The following NRXN3 variants were observed in gnomAD, a reference collection of about 807,000 sequenced individuals.
NRXN3 encodes the protein neurexin 3.
NRXN3 carries 32 observed loss-of-function variants against 137.6 expected under a neutral mutation model. The observed-to-expected ratio is 0.23, with a 90% CI of 0.18 to 0.31. The LOEUF is 0.31. NRXN3 is among the 10% of genes least tolerant of loss of function. The probability of loss-of-function intolerance (pLI) is 1.00; values close to 1 mark genes in which losing one functional copy is unlikely to be tolerated. For missense variants in NRXN3, 1,574 were observed against 2,062.5 expected, an observed-to-expected ratio of 0.76 and a Z score of 4.59; for synonymous variants, 798 against 784.5, an observed-to-expected ratio of 1.02 and a Z score of -0.29.
At chr14:79,489,552 C>A (rs2096692545) in intron 16 of NRXN3, among the ~76,000 whole-genome samples, 1 of 152,120 alleles carries the variant, frequency 6.6e-6, no homozygotes, top group African/African-American at 2.4e-5. Flanking sequence ...CAAAGGATAG[C>A]CTAGAATAAG....
At chr14:78,897,996 G>T (rs928556814) in intron 10 of NRXN3, among the ~76,000 whole-genome samples, 1 of 151,874 alleles carries the variant, frequency 6.6e-6, no homozygotes, top group Non-Finnish European at 1.5e-5. Context: ...GTTAGAGAAC[G>T]TATTCTGCCT....
chr14:79,133,948 AAAAGG>A (rs1278594303), intron 15 of NRXN3, among the ~76,000 whole-genome samples: 2 of 120,912 alleles, frequency 1.7e-5, no homozygotes, highest in Non-Finnish European at 1.7e-5. Context: ...AAAAAAAAAA[AAAAGG>A]AAAGAAAAAA....
At chr14:79,405,313 G>C (rs76951169) in intron 15 of NRXN3, among the ~76,000 whole-genome samples, 1 of 152,064 alleles carries the variant, frequency 6.6e-6, no homozygotes, top group African/African-American at 2.4e-5. Flanking sequence ...TGCTATCATC[G>C]CTTTGTTATC....
At chr14:79,115,420 G>A (rs754901074) in intron 15 of NRXN3, among the ~76,000 whole-genome samples, 6 of 152,022 alleles carry the variant, frequency 3.9e-5, no homozygotes, top group Middle Eastern at 3.4e-3. Context: ...TTGATAAGGT[G>A]TGTCTCTACC....
chr14:79,798,590 C>G (rs2099167783), intron 19 of NRXN3, among the ~76,000 whole-genome samples: 1 of 152,118 alleles, frequency 6.6e-6, no homozygotes, highest in Non-Finnish European at 1.5e-5. Flanking sequence ...TAAAGCTGTT[C>G]TGTGGCAGGA....
chr14:78,226,948 G>A (rs1246964399), intron 1 of NRXN3, among the ~76,000 whole-genome samples: 2 of 152,214 alleles, frequency 1.3e-5, no homozygotes, highest in African/African-American at 2.4e-5. Context: ...TGGGCCCATT[G>A]TGTGCCATCC....
chr14:79,716,198 C>A (rs1458673134), intron 19 of NRXN3, among the ~76,000 whole-genome samples: 2 of 152,126 alleles, frequency 1.3e-5, no homozygotes, highest in Non-Finnish European at 2.9e-5. Flanking sequence ...GGTGCAGATC[C>A]CCTTAGTGAA....
intron 10 of NRXN3, among the ~76,000 whole-genome samples, chr14:78,918,995 A>G (rs150229611): frequency 1.3e-3 from 195 of 152,356 alleles, no homozygotes; most frequent in Non-Finnish European, 2.1e-3. Context: ...ATGAATACAC[A>G]TGATTTCCAC....
At chr14:79,357,490 G>C (rs1232961979) in intron 15 of NRXN3, among the ~76,000 whole-genome samples, 1 of 152,070 alleles carries the variant, frequency 6.6e-6, no homozygotes, top group Non-Finnish European at 1.5e-5. Context: ...TTTAAGCACT[G>C]AAAGTTTCAC....
intron 10 of NRXN3, among the ~76,000 whole-genome samples, chr14:78,943,621 A>AAAT (rs1567777841): frequency 2.9e-4 from 8 of 27,872 alleles, no homozygotes; most frequent in Non-Finnish European, 4.9e-4. Flanking sequence ...AAAAAAAAAA[A>AAAT]ATATATATAT....
intron 15 of NRXN3, among the ~76,000 whole-genome samples, chr14:79,460,500 T>G (rs2096319453): frequency 6.6e-6 from 1 of 152,192 alleles, no homozygotes; most frequent in Non-Finnish European, 1.5e-5. Flanking sequence ...AGGGTCTCAC[T>G]CTGCACACCA....
intron 15 of NRXN3, among the ~76,000 whole-genome samples, chr14:79,113,412 A>T (rs2053875121): frequency 6.6e-6 from 1 of 152,116 alleles, no homozygotes; most frequent in Non-Finnish European, 1.5e-5. Flanking sequence ...CTCCTCCATC[A>T]ATTACCCCCT....
chr14:78,618,916 A>G (rs573579803), intron 4 of NRXN3, among the ~76,000 whole-genome samples: 1 of 152,306 alleles, frequency 6.6e-6, no homozygotes, highest in South Asian at 2.1e-4. Flanking sequence ...AACTTTAGGA[A>G]TTTTGCTTCT....
At chr14:78,576,265 G>A (rs2096934857) in intron 4 of NRXN3, among the ~76,000 whole-genome samples, 1 of 152,068 alleles carries the variant, frequency 6.6e-6, no homozygotes, top group Admixed American at 6.5e-5. Context: ...CTGTGGCATT[G>A]GCTTCTGATC....
chr14:78,262,679 G>A (rs565304093), intron 2 of NRXN3, among the ~76,000 whole-genome samples: 3 of 152,194 alleles, frequency 2.0e-5, no homozygotes, highest in South Asian at 2.1e-4. Flanking sequence ...GAAGAGAAAG[G>A]GGTTGTTGTC....
At chr14:78,240,459 G>GC (rs1164380106) in intron 1 of NRXN3, among the ~76,000 whole-genome samples, 8 of 152,178 alleles carry the variant, frequency 5.3e-5, no homozygotes, top group African/African-American at 1.9e-4. Context: ...AATGAAGGTT[G>GC]CCAGATAGGG....
chr14:78,765,869 C>T (rs1481051134), intron 8 of NRXN3, among the ~76,000 whole-genome samples: 3 of 152,100 alleles, frequency 2.0e-5, no homozygotes, highest in Non-Finnish European at 4.4e-5. Flanking sequence ...ACTGCATAGA[C>T]CTCTCACACA....
At chr14:78,627,140 CTCT>C (rs2097471487) in intron 4 of NRXN3, among the ~76,000 whole-genome samples, 1 of 109,092 alleles carries the variant, frequency 9.2e-6, no homozygotes, top group Non-Finnish European at 1.8e-5. Context: ...CTCTCTCTCT[CTCT>C]CATTTTTATT....
intron 4 of NRXN3, among the ~76,000 whole-genome samples, chr14:78,312,749 G>A (rs956804617): frequency 1.3e-5 from 2 of 151,950 alleles, no homozygotes; most frequent in South Asian, 2.1e-4. Context: ...GCAGGAAATC[G>A]GTTCTTAAAT....
Sources: gnomAD v4.1 joint callset for allele counts (sites outside exome capture counted in the v4.1 genomes callset) on GRCh38, gnomAD v4.1.1 for gene constraint, MANE v1.5 for transcripts, NCBI Gene and HGNC (gene_info 2026-07-23, HGNC 2026-07-21) for gene names.